Variants in EEF2K observed in about 807,000 individuals in gnomAD.
EEF2K encodes the protein eukaryotic elongation factor 2 kinase.
EEF2K carries 70 observed loss-of-function variants against 93.8 expected under a neutral mutation model. That is an observed-to-expected ratio of 0.75 (90% confidence interval 0.62 to 0.91). EEF2K has a LOEUF of 0.91. Ranked by LOEUF, EEF2K falls within the 40% of genes least tolerant of loss-of-function variation. The pLI is 0.00. For synonymous variants in EEF2K, 376 were observed against 380.8 expected (o/e 0.99, Z 0.15); for missense variants, 935 against 972.9 (o/e 0.96, Z 0.52).
chr16:22,222,905 A>G (rs560061217), intron 1 of EEF2K, among the ~76,000 whole-genome samples: 1 of 151,964 alleles, frequency 6.6e-6, no homozygotes, highest in Admixed American at 6.6e-5. Context: ...AGTACAATTC[A>G]ATGGTATATT....
rs371332452 is a variant in EEF2K at position 22,228,775 on chromosome 16, G to A, written c.246+2800G>A. ...GAAGCTGGACAGCTCGAGCTTCGGG[G>A]TAAGGGAAAACAGGAATTACAGAAA... On this transcript the variant is annotated intron_variant, in intron 2 of 17. Transcript: ENST00000263026. Among the ~76,000 whole-genome samples, 12 of 152,306 alleles carry A rather than the reference G, an allele frequency of 7.9e-5. No individual in the cohort carries two copies. The East Asian group carries it at 2.3e-3, about 29-fold the overall frequency.
At position 22,251,286 on chromosome 16, in the gene EEF2K, G is replaced by T. The variant is rs376970159; in HGVS notation, c.582G>T (p.Trp194Cys). Residue 194 changes from tryptophan (W) to cysteine (C), a missense_variant, in exon 6 of 18, where the codon TGG becomes TGT. Coordinates refer to ENST00000263026, the MANE Select transcript of EEF2K (RefSeq NM_013302.5). ...GTCTACAGATGGAGGCCAAGCTCTG[G>T]GGGGAGGAGTATAATCGGCACAAGC... ...DVRLQMEAKL[W>C]GEEYNRHKPP... 1 of 1,614,030 alleles carries T rather than the reference G, an allele frequency of 6.2e-7. No homozygotes were observed. Among genetic ancestry groups the T allele is most frequent in the Non-Finnish European group, 8.5e-7 (1 of 1,180,026 alleles).
intron 16 of EEF2K, among the ~76,000 whole-genome samples, chr16:22,277,654 G>A (rs556000961): frequency 6.6e-6 from 1 of 152,300 alleles, no homozygotes; most frequent in South Asian, 2.1e-4. Context: ...TGAATAAGGA[G>A]AATTAAAGAT....
At position 22,248,780 on chromosome 16, in the gene EEF2K, C is replaced by T; in HGVS notation, c.373C>T (p.Leu125=). The change falls in exon 4 of 18, where the codon CTG becomes TTG. Residue 125 remains leucine, a synonymous_variant. Coordinates refer to ENST00000263026, the MANE Select transcript of EEF2K (RefSeq NM_013302.5). ...GTACAACGCCGTCACCGGGGAATGG[C>T]TGGATGATGAAGTTCTGATCAAGAT... ...HRYNAVTGEW[L]DDEVLIKMAS... The T allele has an allele frequency of 6.2e-7, 1 of 1,614,004 alleles. No individual in the cohort carries two copies. The highest frequency in any genetic ancestry group is 2.2e-5 in the East Asian group (1 of 44,880).
intron 6 of EEF2K, among the ~76,000 whole-genome samples, chr16:22,254,223 A>G (rs1262903658): frequency 6.6e-6 from 1 of 152,160 alleles, no homozygotes; most frequent in Non-Finnish European, 1.5e-5. Context: ...TGGCTGTACC[A>G]CTGCCCCTCG....
At chr16:22,231,862 T>A (rs912534008) in intron 2 of EEF2K, among the ~76,000 whole-genome samples, 25 of 151,794 alleles carry the variant, frequency 1.6e-4, no homozygotes, top group African/African-American at 6.1e-4. Context: ...TGGTGGCACA[T>A]GCCTGTAATC....
At chr16:22,241,727 T>G (rs1177366144) in intron 2 of EEF2K, among the ~76,000 whole-genome samples, 2 of 151,944 alleles carry the variant, frequency 1.3e-5, no homozygotes, top group East Asian at 3.8e-4. Flanking sequence ...TATGGTGGAT[T>G]TGACTTTTGT....
intron 12 of EEF2K, 193 bp downstream of exon 12, chr16:22,263,380 G>A (rs1450863261): frequency 6.4e-6 from 2 of 311,414 alleles, no homozygotes; most frequent in East Asian, 8.6e-5. Flanking sequence ...AGGCCAAGGC[G>A]GGTGGATCAC....
At chr16:22,225,259 C>T (rs977373964) in intron 1 of EEF2K, among the ~76,000 whole-genome samples, 16 of 152,054 alleles carry the variant, frequency 1.1e-4, no homozygotes, top group African/African-American at 2.9e-4. Context: ...GTGGGCAGCA[C>T]GCTAGATGAA....
intron 15 of EEF2K, among the ~76,000 whole-genome samples, chr16:22,271,290 T>C (rs2047579326): frequency 6.6e-6 from 1 of 151,988 alleles, no homozygotes; most frequent in African/African-American, 2.4e-5. Flanking sequence ...ATCTCTATGC[T>C]CATTCAGCCA....
chr16:22,240,832 C>T (rs1478747079), intron 2 of EEF2K, among the ~76,000 whole-genome samples: 1 of 152,056 alleles, frequency 6.6e-6, no homozygotes, highest in Non-Finnish European at 1.5e-5. Flanking sequence ...TGTAGTTGTG[C>T]TCTCTTGCCT....
chr16:22,240,438 T>C (rs1033139330), intron 2 of EEF2K, among the ~76,000 whole-genome samples: 1 of 152,210 alleles, frequency 6.6e-6, no homozygotes, highest in Admixed American at 6.5e-5. Flanking sequence ...TTCTAGATTT[T>C]AAATGTGATC....
In EEF2K at chr16:22,258,521, A is replaced by C. The variant is rs2047429938; in HGVS notation, c.1057A>C (p.Thr353Pro). ...ATCAGCCAAGACCATCTTGAGAGGAACAGAGGAAAAATGTGGGAGCCCCCA... is the reference window on the plus strand; with the variant it reads ...ATCAGCCAAGACCATCTTGAGAGGACCAGAGGAAAAATGTGGGAGCCCCCA... ...LQSAKTILRGTEEKCGSPQVR... is the reference protein window; with the variant it reads ...LQSAKTILRGPEEKCGSPQVR... The change falls in exon 10 of 18, where the codon ACA (threonine) becomes CCA (proline). Residue 353 changes from threonine to proline, a missense_variant. By Grantham distance (38) the Thr-to-Pro change is conservative. Transcript: ENST00000263026. 6.2e-7 allele frequency: 1 copy of C among 1,613,946 alleles called. No homozygotes were observed. Among genetic ancestry groups the C allele is most frequent in the African/African-American group, 1.3e-5 (1 of 74,884 alleles).
chr16:22,276,466 G>T (rs1162085872), intron 16 of EEF2K, among the ~76,000 whole-genome samples: 1 of 152,096 alleles, frequency 6.6e-6, no homozygotes, highest in Non-Finnish European at 1.5e-5. Context: ...CCCCACCCAT[G>T]CAAAGAACAT....
intron 1 of EEF2K, among the ~76,000 whole-genome samples, chr16:22,213,402 G>T (rs1409185326): frequency 6.6e-6 from 1 of 152,178 alleles, no homozygotes; most frequent in African/African-American, 2.4e-5. Flanking sequence ...TAGGATGTTT[G>T]GCAGCATCCC....
intron 16 of EEF2K, among the ~76,000 whole-genome samples, chr16:22,277,778 A>G (rs184500499): frequency 4.6e-5 from 7 of 152,320 alleles, no homozygotes; most frequent in Admixed American, 2.0e-4. Flanking sequence ...GTAACAGAAT[A>G]TCTGAGGCTG....
Position 22,251,212 on chromosome 16 carries a change from A to G in EEF2K, c.508A>G (p.Lys170Glu). 6.2e-7 allele frequency: 1 copy of G among 1,614,124 alleles called. No homozygotes were observed. Among genetic ancestry groups the G allele is most frequent in the East Asian group, 2.2e-5 (1 of 44,864 alleles). The change falls in exon 6 of 18, where the codon AAG becomes GAG. Residue 170 changes from lysine (K) to glutamate (E), a missense_variant. Transcript: ENST00000263026. ...QWKGASNYVAKRYIEPVDRDV... is the reference protein window; with the variant it reads ...QWKGASNYVAERYIEPVDRDV... ...GAAGGGCGCCTCCAACTACGTGGCG[A>G]AGCGCTACATCGAGCCCGTAGACCG...
rs539920016 is a variant in EEF2K, at chr16:22,277,438, T to C, written c.1890-2760T>C. 2.0e-5 allele frequency among the ~76,000 whole-genome samples: 3 copies of C among 152,308 alleles called. No individual in the cohort carries two copies. The East Asian group carries it at 5.8e-4, about 29-fold the overall frequency. On this transcript the variant is annotated intron_variant, in intron 16 of 17. Transcript: ENST00000263026. ...GCATGAGCCATATCTGGCCATTTTT[T>C]AATAAGATAAAATAAAGTCAAGATT...
chr16:22,258,170 G>T (rs974073946), intron 9 of EEF2K, among the ~76,000 whole-genome samples: 1 of 152,090 alleles, frequency 6.6e-6, no homozygotes, highest in African/African-American at 2.4e-5. Flanking sequence ...TTGGACCAGG[G>T]ACAAGAGAAT....
Sources: allele counts gnomAD v4.1 joint callset (sites outside exome capture counted in the v4.1 genomes callset), GRCh38; gene constraint gnomAD v4.1.1; transcripts MANE v1.5; gene names NCBI Gene and HGNC (gene_info 2026-07-23, HGNC 2026-07-21).